LTBP1: variants seen among roughly 807,000 people sequenced by gnomAD.
LTBP1 encodes the protein latent-transforming growth factor beta-binding protein 1.
A neutral mutation model predicts 207.6 loss-of-function variants in LTBP1; 129 were observed. That is an observed-to-expected ratio of 0.62 (90% confidence interval 0.54 to 0.72). LTBP1 has a LOEUF of 0.72. Among genes scored for constraint, LTBP1 ranks in the 30% least tolerant of loss-of-function variants. The pLI is 0.00. For missense variants in LTBP1, 2,281 were observed against 2,217.2 expected, an observed-to-expected ratio of 1.03 and a Z score of -0.58; for synonymous variants, 963 against 833.7, an observed-to-expected ratio of 1.16 and a Z score of -2.67.
At chr2:33,084,384 G>T (rs909574366) in intron 3 of LTBP1, among the ~76,000 whole-genome samples, 17 of 152,160 alleles carry the variant, frequency 1.1e-4, no homozygotes, top group Admixed American at 9.8e-4. Context: ...GGGTTCTGGG[G>T]GTTGGGAAGG....
chr2:33,193,017 T>C (rs892269090), intron 7 of LTBP1, among the ~76,000 whole-genome samples: 1 of 152,232 alleles, frequency 6.6e-6, no homozygotes, highest in Non-Finnish European at 1.5e-5. Context: ...ATTAAGTTTC[T>C]AACACATGAA....
At chr2:33,176,312 C>T (rs1051648498) in intron 5 of LTBP1, among the ~76,000 whole-genome samples, 10 of 152,098 alleles carry the variant, frequency 6.6e-5, no homozygotes, top group Non-Finnish European at 1.2e-4. Context: ...CTGCAAGCTC[C>T]GCCTCCCGGT....
At chr2:33,201,550 G>A (rs2149095750) in intron 7 of LTBP1, among the ~76,000 whole-genome samples, 1 of 151,826 alleles carries the variant, frequency 6.6e-6, no homozygotes, top group East Asian at 1.9e-4. Flanking sequence ...AATGGGTGCA[G>A]CACACCAGCA....
At chr2:33,375,780 G>A (rs1422921199) in intron 31 of LTBP1, among the ~76,000 whole-genome samples, 1 of 149,756 alleles carries the variant, frequency 6.7e-6, no homozygotes, top group Non-Finnish European at 1.5e-5. Context: ...CTGACCTCGT[G>A]ATCTGCCCGC....
intron 5 of LTBP1, among the ~76,000 whole-genome samples, chr2:33,180,546 C>T (rs933137276): frequency 2.0e-5 from 3 of 151,464 alleles, no homozygotes; most frequent in Non-Finnish European, 4.4e-5. Context: ...CTGCCTCCCG[C>T]GTTCAAGTGA....
chr2:33,203,483 C>T (rs562652102), intron 7 of LTBP1, among the ~76,000 whole-genome samples: 4 of 152,292 alleles, frequency 2.6e-5, no homozygotes, highest in Non-Finnish European at 4.4e-5. Flanking sequence ...ACCCTTCCTG[C>T]GGCCCAGTAT....
intron 5 of LTBP1, among the ~76,000 whole-genome samples, chr2:33,139,107 C>G (rs1344320100): frequency 6.6e-6 from 1 of 152,018 alleles, no homozygotes; most frequent in African/African-American, 2.4e-5. Context: ...ATCCGCCCGC[C>G]TCGGCCTCCC....
chr2:33,004,426 T>C (rs1462639465), intron 2 of LTBP1, among the ~76,000 whole-genome samples: 1 of 152,138 alleles, frequency 6.6e-6, no homozygotes, highest in Non-Finnish European at 1.5e-5. Context: ...AACAGCTTTA[T>C]TGAGATATAA....
chr2:32,999,589 GCCT>G (rs1208576421), intron 2 of LTBP1, among the ~76,000 whole-genome samples: 3 of 134,388 alleles, frequency 2.2e-5, no homozygotes, highest in African/African-American at 7.8e-5. Context: ...AAGTCTCCCT[GCCT>G]CAAAAAGATC....
intron 32 of LTBP1, 142 bp downstream of exon 32, chr2:33,389,448 G>T: frequency 8.8e-7 from 1 of 1,137,946 alleles, no homozygotes; most frequent in Non-Finnish European, 1.2e-6. Flanking sequence ...TCTAGGGTGG[G>T]ACCCAGCCAT....
chr2:33,090,882 G>T (rs2079045591), intron 3 of LTBP1, among the ~76,000 whole-genome samples: 1 of 152,232 alleles, frequency 6.6e-6, no homozygotes, highest in African/African-American at 2.4e-5. Context: ...GGATTACCTT[G>T]TTGAGTCAGT....
intron 20 of LTBP1, among the ~76,000 whole-genome samples, chr2:33,298,725 ATTAT>A (rs2093928172): frequency 6.6e-6 from 1 of 152,246 alleles, no homozygotes; most frequent in Admixed American, 6.5e-5. Context: ...GCAGCCAGGA[ATTAT>A]TTATAAATCA....
At chr2:33,277,082 T>A (rs1219604461) in intron 18 of LTBP1, among the ~76,000 whole-genome samples, 1 of 152,166 alleles carries the variant, frequency 6.6e-6, no homozygotes, top group African/African-American at 2.4e-5. Context: ...ATGGACTAGG[T>A]TGGCACAGCC....
At chr2:33,033,709 G>A (rs1453779341) in intron 3 of LTBP1, among the ~76,000 whole-genome samples, 4 of 151,758 alleles carry the variant, frequency 2.6e-5, no homozygotes, top group South Asian at 2.1e-4. Context: ...GTATGGAGAC[G>A]CTGCCTCTAG....
intron 31 of LTBP1, among the ~76,000 whole-genome samples, chr2:33,379,615 C>G: frequency 6.6e-6 from 1 of 152,102 alleles, no homozygotes; most frequent in African/African-American, 2.4e-5. Context: ...GTGAACAGAT[C>G]CAGAGGGGAA....
chr2:32,972,273 GT>G (rs144615397), intron 2 of LTBP1, among the ~76,000 whole-genome samples: 81,338 of 147,972 alleles, frequency 0.55, 23,102 homozygotes, highest in Non-Finnish European at 0.63. Flanking sequence ...GATCTTTTGT[GT>G]TTTTTTTCCT....
chr2:33,256,736 A>ATATATAT (rs2092867165), intron 11 of LTBP1, among the ~76,000 whole-genome samples: 2 of 17,668 alleles, frequency 1.1e-4, no homozygotes, highest in African/African-American at 3.2e-4. Flanking sequence ...ATATATATAT[A>ATATATAT]TATATATATA....
intron 7 of LTBP1, among the ~76,000 whole-genome samples, chr2:33,193,320 T>G (rs1042915069): frequency 2.0e-5 from 3 of 152,112 alleles, no homozygotes; most frequent in Non-Finnish European, 4.4e-5. Flanking sequence ...TTTTGTATTT[T>G]TAGTAGAGAC....
At chr2:32,983,093 G>A (rs1356492751) in intron 2 of LTBP1, among the ~76,000 whole-genome samples, 1 of 152,224 alleles carries the variant, frequency 6.6e-6, no homozygotes, top group Non-Finnish European at 1.5e-5. Flanking sequence ...CAGGAGTGGT[G>A]CTCTATCCTG....
Sources: allele counts gnomAD v4.1 joint callset (sites outside exome capture counted in the v4.1 genomes callset), GRCh38; gene constraint gnomAD v4.1.1; transcripts MANE v1.5; gene names NCBI Gene and HGNC (gene_info 2026-07-23, HGNC 2026-07-21).